SRRM3: variants seen among roughly 807,000 people sequenced by gnomAD.
SRRM3 encodes serine/arginine repetitive matrix 3.
Under a neutral mutation model 66.2 loss-of-function variants are expected in SRRM3, and 27 were observed. The ratio of observed to expected loss-of-function variants is 0.41; its 90% CI spans 0.30 to 0.56. The LOEUF (loss-of-function observed/expected upper bound fraction) is 0.56, where lower values mean the gene tolerates loss of function less well. Among genes scored for constraint, SRRM3 ranks in the 20% least tolerant of loss-of-function variants. The pLI is 0.32. For synonymous variants in SRRM3, 391 were observed against 414.9 expected (o/e 0.94, Z 0.70); for missense variants, 918 against 991.9 (o/e 0.93, Z 1.00).
chr7:76,273,911 C>T (rs781919805), intron 11 of SRRM3, among the ~76,000 whole-genome samples: 4 of 152,198 alleles, frequency 2.6e-5, no homozygotes, highest in Non-Finnish European at 5.9e-5. Flanking sequence ...GACTTCCACC[C>T]CTAAATCCTC....
At chr7:76,212,775 T>C (rs1800465711) in intron 1 of SRRM3, among the ~76,000 whole-genome samples, 1 of 151,878 alleles carries the variant, frequency 6.6e-6, no homozygotes, top group Non-Finnish European at 1.5e-5. Flanking sequence ...GGCCAAGGTC[T>C]GCATTTTTTA....
intron 3 of SRRM3, 39 bp downstream of exon 3, chr7:76,248,328 G>A (rs782045552): frequency 1.3e-6 from 2 of 1,507,210 alleles, no homozygotes; most frequent in East Asian, 2.3e-5. Context: ...GAGAGGGGGT[G>A]CAGGCTCAGG....
chr7:76,237,859 C>T (rs1801187345), intron 2 of SRRM3, among the ~76,000 whole-genome samples: 1 of 151,676 alleles, frequency 6.6e-6, no homozygotes, highest in East Asian at 1.9e-4. Flanking sequence ...TTCAAGGAAC[C>T]TTCCCTCACT....
At chr7:76,260,080 C>T in intron 4 of SRRM3, 37 bp from the exon 5 acceptor site, 6 of 1,407,416 alleles carry the variant, frequency 4.3e-6, no homozygotes, top group South Asian at 1.5e-5. Context: ...GGGGCTGCCC[C>T]CCCTCACCGC....
chr7:76,252,879 A>G (rs1801613061), intron 3 of SRRM3, among the ~76,000 whole-genome samples: 1 of 151,676 alleles, frequency 6.6e-6, no homozygotes, highest in Admixed American at 6.6e-5. Flanking sequence ...ATATTAAAGA[A>G]CAGGCCAGGC....
At chr7:76,282,579 G>GA in intron 12 of SRRM3, 69 bp from the exon 13 acceptor site, 1 of 716,100 alleles carries the variant, frequency 1.4e-6, no homozygotes, top group Non-Finnish European at 2.0e-6. Flanking sequence ...CCGCCCCAGG[G>GA]AACCCTCCCC....
At position 76,281,599 on chromosome 7, in the gene SRRM3, G is replaced by C; in HGVS notation, c.1167G>C (p.Arg389=). 6 of 977,366 alleles carry C rather than the reference G, an allele frequency of 6.1e-6. No individual in the cohort carries two copies. Among genetic ancestry groups the C allele is most frequent in the Non-Finnish European group, 7.3e-6 (6 of 825,244 alleles). 60.5% of individuals were successfully genotyped at this position (977,366 alleles called of 1,614,324 possible). Reference sequence around the variant, plus strand: ...GCGGGGCGGGCAGGCGGCGGCGGCGGCGGCGTAGGCGGCGGCGCTCGCGGT... The same window carrying C: ...GCGGGGCGGGCAGGCGGCGGCGGCGCCGGCGTAGGCGGCGGCGCTCGCGGT... The part of the protein sequence containing the change: ...AAGGAGRRRR[R]RRRRRRSRSS... Residue 389 remains arginine (R), a synonymous_variant, in exon 12 of 15, where the codon CGG becomes CGC. Coordinates refer to ENST00000611745, the MANE Select transcript of SRRM3 (RefSeq NM_001110199.3).
intron 1 of SRRM3, among the ~76,000 whole-genome samples, chr7:76,225,247 T>G (rs782535883): frequency 2.1e-4 from 32 of 152,274 alleles, no homozygotes; most frequent in Admixed American, 3.3e-4. Context: ...AACACTCTTT[T>G]TCCTGGCCCC....
Position 76,235,064 on chromosome 7 carries a change from A to G in SRRM3, c.-3A>G. ...CAGGCCAGCGGCTCCAGGGCCAGCC[A>G]CGATGTCCTCCACCGTGAACAACGG... On this transcript the variant is annotated 5_prime_UTR_variant, in exon 2 of 15. Transcript: ENST00000611745. 6.4e-7 allele frequency: 1 copy of G among 1,568,318 alleles called. No homozygotes were observed. Among genetic ancestry groups the G allele is most frequent in the South Asian group, 1.2e-5 (1 of 85,822 alleles).
chr7:76,265,318 G>C, intron 9 of SRRM3, 46 bp from the exon 10 acceptor site: 1 of 1,468,274 alleles, frequency 6.8e-7, no homozygotes, highest in Non-Finnish European at 9.3e-7. Context: ...GGGGGATCAC[G>C]GGGGGCAGAA....
Position 76,235,360 on chromosome 7 carries a change from C to T in SRRM3, c.233+61C>T, listed in dbSNP as rs1801118827. The T allele has an allele frequency of 3.7e-6, 5 of 1,350,884 alleles. No individual in the cohort carries two copies. In the East Asian group the frequency reaches 8.3e-5, roughly 22 times the overall value. 83.7% of individuals were successfully genotyped at this position (1,350,884 alleles called of 1,614,324 possible). On this transcript the variant is annotated intron_variant, in intron 2 of 14. Coordinates refer to ENST00000611745, the MANE Select transcript of SRRM3 (RefSeq NM_001110199.3). The stretch of plus-strand genomic sequence containing the variant: ...ATAGGCGGGGCGAGGGTGGGAGAAG[C>T]GAGTGATGCTGCACGTGGGCGTGGC...
chr7:76,208,010 AG>A (rs1800342518), intron 1 of SRRM3, among the ~76,000 whole-genome samples: 1 of 152,222 alleles, frequency 6.6e-6, no homozygotes, highest in Non-Finnish European at 1.5e-5. Context: ...TGGGTGGCAC[AG>A]CTTTGGGGTC....
chr7:76,237,206 G>C (rs1436367008), intron 2 of SRRM3, among the ~76,000 whole-genome samples: 1 of 152,318 alleles, frequency 6.6e-6, no homozygotes, highest in East Asian at 1.9e-4. Flanking sequence ...AGGAGATCGA[G>C]ATCATCCTGG....
At chr7:76,234,944 C>A in intron 1 of SRRM3, 84 bp from the exon 2 acceptor site, 2 of 796,308 alleles carry the variant, frequency 2.5e-6, no homozygotes, top group South Asian at 1.9e-5. Flanking sequence ...GCCCTTAAAT[C>A]TCCAGGATTA....
intron 2 of SRRM3, among the ~76,000 whole-genome samples, chr7:76,247,391 G>A (rs1801469149): frequency 6.6e-6 from 1 of 152,038 alleles, no homozygotes; most frequent in Admixed American, 6.6e-5. Context: ...GCAGAAATGG[G>A]GGTGCTTTGA....
intron 1 of SRRM3, among the ~76,000 whole-genome samples, chr7:76,219,381 G>A (rs554762637): frequency 6.6e-6 from 1 of 152,314 alleles, no homozygotes; most frequent in Admixed American, 6.5e-5. Flanking sequence ...CCTGTACTGT[G>A]GACTCCTCTG....
At chr7:76,281,377 CTG>C (rs1802500301) in intron 11 of SRRM3, 62 bp from the exon 12 acceptor site, 1 of 1,130,678 alleles carries the variant, frequency 8.8e-7, no homozygotes, top group South Asian at 4.4e-5. Context: ...TCTTCTCTCT[CTG>C]TCTCTGTCTC....
At position 76,256,882 on chromosome 7, in the gene SRRM3, T is replaced by C. The variant is rs1801726677; in HGVS notation, c.336-3024T>C. On this transcript the variant is annotated intron_variant, in intron 3 of 14. Coordinates refer to ENST00000611745, the MANE Select transcript of SRRM3 (RefSeq NM_001110199.3). ...GCGCCACCACGCCTGGCTAATTTTG[T>C]GTTTTTAGTAGAGACAGGGTTTCTC... 3.3e-5 allele frequency among the ~76,000 whole-genome samples: 5 copies of C among 152,128 alleles called. No homozygotes were observed. In the South Asian group the frequency reaches 1.0e-3, roughly 32 times the overall value.
chr7:76,283,234 G>A, intron 14 of SRRM3, 133 bp downstream of exon 14: 2 of 1,127,280 alleles, frequency 1.8e-6, no homozygotes, highest in Non-Finnish European at 2.4e-6. Flanking sequence ...GGGGTGCTAA[G>A]GGACAATGAG....
Sources: allele counts gnomAD v4.1 joint callset (sites outside exome capture counted in the v4.1 genomes callset), GRCh38; gene constraint gnomAD v4.1.1; transcripts MANE v1.5; gene names NCBI Gene and HGNC (gene_info 2026-07-23, HGNC 2026-07-21).